MGST1: variants seen among roughly 807,000 people sequenced by gnomAD.
The protein encoded by MGST1 is microsomal glutathione S-transferase 1, also known as glutathione S-transferase 12.
A neutral mutation model predicts 8.9 loss-of-function variants in MGST1; 5 were observed. The ratio of observed to expected loss-of-function variants is 0.56; its 90% CI spans 0.29 to 1.19. The LOEUF is 1.19. MGST1 is among the 50% of genes most tolerant of loss of function. The pLI is 0.08. For synonymous variants in MGST1, 54 were observed against 67.8 expected (o/e 0.80, Z 1.00); for missense variants, 182 against 187.4 (o/e 0.97, Z 0.17).
At chr12:16,364,436 C>T (rs1940145865), downstream of MGST1, 2 of 972,704 alleles carry the variant, frequency 2.1e-6, no homozygotes, top group African/African-American at 1.8e-5. The surrounding 1 kb of genome is among the most constrained non-coding windows in gnomAD (Gnocchi z 5.7). Context: ...TTTTTCCCAA[C>T]ATTTTATTTT....
In MGST1 at chr12:16,584,778, T is replaced by C. The variant is rs907348839; in HGVS notation, n.483-4750T>C. ...CCTCACAAAGCAGTGCCAAGACTCC[T>C]TGTTAGGCTGAAAGCTCCCAGGAGA... On this transcript the variant is annotated intron_variant and non_coding_transcript_variant, in intron 4 of 4. Transcript: ENST00000538857. The surrounding 1 kb of genome is among the most constrained non-coding windows in gnomAD (Gnocchi z 5.2). Among the ~76,000 whole-genome samples, 5 of 152,192 alleles carry C rather than the reference T, an allele frequency of 3.3e-5. No individual in the cohort carries two copies. Among genetic ancestry groups the C allele is most frequent in the Admixed American group, 6.5e-5 (1 of 15,278 alleles).
chr12:16,440,025 C>G (rs1941026159), downstream of MGST1, among the ~76,000 whole-genome samples: 1 of 151,762 alleles, frequency 6.6e-6, no homozygotes, highest in Admixed American at 6.6e-5. Context: ...TAAAATGACT[C>G]TGGAGGTGCA....
In MGST1 at chr12:16,546,862, G is replaced by T. The variant is rs1335927501; in HGVS notation, n.483-42666G>T. Among the ~76,000 whole-genome samples, 1 of 151,754 alleles carries T rather than the reference G, an allele frequency of 6.6e-6. No individual in the cohort carries two copies. Among genetic ancestry groups the T allele is most frequent in the East Asian group, 1.9e-4 (1 of 5,180 alleles). ...CCAAGCCTGCCAAAAGCAAAAAAAT[G>T]TCATTTTGTGGTACCAAAATGCAAA... On this transcript the variant is annotated intron_variant and non_coding_transcript_variant, in intron 4 of 4. Coordinates refer to the MGST1 transcript ENST00000538857. This position sits in a 1 kb window ranked among gnomAD's most constrained non-coding sequence, Gnocchi z 4.7.
chr12:16,561,188 TA>T (rs913685964), intron 4 of MGST1, among the ~76,000 whole-genome samples: 8 of 152,072 alleles, frequency 5.3e-5, no homozygotes, highest in African/African-American at 1.7e-4. Context: ...GTCTAGGATT[TA>T]AAAAAAATTC....
chr12:16,484,370 TTTTCCCAGAGGCACGATAAAGAATCTG>T (rs1441817479), intron 4 of MGST1, among the ~76,000 whole-genome samples: 1 of 152,174 alleles, frequency 6.6e-6, no homozygotes, highest in Non-Finnish European at 1.5e-5. Flanking sequence ...GCTTTGGAAA[TTTTCCCAGAGGCACGATAAAGAATCTG>T]TTTTTTGTTT....
chr12:16,360,046 TGGA>T (rs918775257), intron 3 of MGST1, among the ~76,000 whole-genome samples: 2 of 152,218 alleles, frequency 1.3e-5, no homozygotes, highest in African/African-American at 4.8e-5. Flanking sequence ...TTCCGAGTCC[TGGA>T]GGAGGTGCAG....
At chr12:16,369,095 T>A (rs1199063693), downstream of MGST1, among the ~76,000 whole-genome samples, 1 of 150,094 alleles carries the variant, frequency 6.7e-6, no homozygotes, top group Non-Finnish European at 1.5e-5. This position sits in a 1 kb window ranked among gnomAD's most constrained non-coding sequence, Gnocchi z 4.8. Context: ...CCACCCAAAA[T>A]AAAGAGAATA....
In MGST1 at chr12:16,586,691, A is replaced by C. The variant is rs528347047; in HGVS notation, n.483-2837A>C. 3.3e-5 allele frequency among the ~76,000 whole-genome samples: 5 copies of C among 152,256 alleles called. No individual in the cohort carries two copies. In the South Asian group the frequency reaches 1.0e-3, roughly 32 times the overall value. On this transcript the variant is annotated intron_variant and non_coding_transcript_variant, in intron 4 of 4. Transcript: ENST00000538857. This position sits in a 1 kb window ranked among gnomAD's most constrained non-coding sequence, Gnocchi z 4.3. ...TCGGGGTAGAGATTTCAAGATACAC[A>C]TCTTTTGACCCCCCATTGCAGTAGA...
chr12:16,419,436 G>A (rs1238010305), intron 1 of MGST1, among the ~76,000 whole-genome samples: 1 of 152,102 alleles, frequency 6.6e-6, no homozygotes, highest in Non-Finnish European at 1.5e-5. Context: ...TGGGGGAAGA[G>A]AGATAGGTGC....
chr12:16,470,674 G>A (rs932206999), intron 4 of MGST1, among the ~76,000 whole-genome samples: 5 of 152,046 alleles, frequency 3.3e-5, no homozygotes, highest in Non-Finnish European at 5.9e-5. Flanking sequence ...AGAGCTAATT[G>A]AATCATTATA....
intron 1 of MGST1, among the ~76,000 whole-genome samples, chr12:16,415,528 C>G (rs1013617503): frequency 1.3e-5 from 2 of 152,194 alleles, no homozygotes; most frequent in African/African-American, 4.8e-5. Context: ...GGATCAAGAC[C>G]TTTGCAGTGA....
intron 4 of MGST1, among the ~76,000 whole-genome samples, chr12:16,563,016 G>A (rs1033976018): frequency 1.3e-5 from 2 of 152,182 alleles, no homozygotes; most frequent in South Asian, 2.1e-4. Flanking sequence ...TGTAACCAGG[G>A]AATTAGGCTT....
chr12:16,516,116 G>T (rs1364115082), intron 4 of MGST1, among the ~76,000 whole-genome samples: 5 of 152,172 alleles, frequency 3.3e-5, no homozygotes, highest in South Asian at 2.1e-4. Context: ...CCAGACTTGG[G>T]TTGTATGCCC....
chr12:16,401,276 A>G lies in MGST1; in HGVS notation n.778+17672A>G. The G allele has an allele frequency of 6.4e-7, 1 of 1,553,432 alleles. No homozygotes were observed. Among genetic ancestry groups the G allele is most frequent in the Non-Finnish European group, 8.9e-7 (1 of 1,127,652 alleles). The stretch of plus-strand genomic sequence containing the variant: ...CCCTCCTTGTTAGTCAGGTCTGAGA[A>G]TCCCAAACTGATGCTGAAAACCATT... On this transcript the variant is annotated intron_variant and non_coding_transcript_variant, in intron 1 of 1. Coordinates refer to the MGST1 transcript ENST00000359720. The surrounding 1 kb of genome is among the most constrained non-coding windows in gnomAD (Gnocchi z 4.3).
At chr12:16,357,129 A>G (rs575673270) in intron 2 of MGST1, among the ~76,000 whole-genome samples, 69 of 152,338 alleles carry the variant, frequency 4.5e-4, no homozygotes, top group African/African-American at 1.5e-3. Context: ...TTCAGTTTTA[A>G]CTATAGATGC....
At chr12:16,570,169 T>C (rs563630124) in intron 4 of MGST1, among the ~76,000 whole-genome samples, 2 of 152,342 alleles carry the variant, frequency 1.3e-5, no homozygotes, top group East Asian at 1.9e-4. Context: ...TATTCTATAA[T>C]GAGTTTCAGA....
At chr12:16,430,769 A>G (rs1940931732) in intron 1 of MGST1, among the ~76,000 whole-genome samples, 1 of 152,162 alleles carries the variant, frequency 6.6e-6, no homozygotes, top group South Asian at 2.1e-4. Context: ...TGGGATTTTC[A>G]GAATAGTAAA....
chr12:16,394,437 CCT>C (rs950777081), intron 1 of MGST1, among the ~76,000 whole-genome samples: 32 of 148,582 alleles, frequency 2.2e-4, no homozygotes, highest in Middle Eastern at 3.6e-3. Context: ...TCCCTCCCTC[CCT>C]CTCTCTTTCT....
chr12:16,560,372 A>G lies in MGST1; in HGVS notation n.483-29156A>G, dbSNP rs756604706. ...TATTAAATAAATAGCCAGCACAGAG[A>G]GGTTAACCATTTCTTAGAGACCAAA... On this transcript the variant is annotated intron_variant and non_coding_transcript_variant, in intron 4 of 4. Coordinates refer to the MGST1 transcript ENST00000538857. This position sits in a 1 kb window ranked among gnomAD's most constrained non-coding sequence, Gnocchi z 5.0. The G allele has an allele frequency of 1.3e-6, 2 of 1,591,258 alleles. No homozygotes were observed. The highest frequency in any genetic ancestry group is 2.3e-5 in the South Asian group (2 of 87,238).
Sources: allele counts gnomAD v4.1 joint callset (sites outside exome capture counted in the v4.1 genomes callset), GRCh38; gene constraint gnomAD v4.1.1; non-coding constraint Gnocchi (gnomAD v3.1); transcripts MANE v1.5; gene names NCBI Gene and HGNC (gene_info 2026-07-23, HGNC 2026-07-21).